TBC1D32: variants seen among roughly 807,000 people sequenced by gnomAD.
TBC1D32 encodes the protein TBC1 domain family member 32, also known as protein broad-minded.
A neutral mutation model predicts 170.3 loss-of-function variants in TBC1D32; 151 were observed. The ratio of observed to expected loss-of-function variants is 0.89; its 90% CI spans 0.78 to 1.01. The LOEUF (loss-of-function observed/expected upper bound fraction) is 1.01, where lower values mean the gene tolerates loss of function less well. Among genes scored for constraint, TBC1D32 ranks in the 50% least tolerant of loss-of-function variants. The probability of loss-of-function intolerance (pLI) is 0.00; values close to 1 mark genes in which losing one functional copy is unlikely to be tolerated. For missense variants in TBC1D32, 1,464 were observed against 1,457.1 expected, an observed-to-expected ratio of 1.00 and a Z score of -0.08; for synonymous variants, 498 against 488.0, an observed-to-expected ratio of 1.02 and a Z score of -0.27.
rs201481170 is a variant in TBC1D32 at position 121,098,195 on chromosome 6, T to C, written c.3466-7154A>G. ...ATGTATCCCAGAACTTAAAGTAGAA[T>C]AATAATAATAATAATAATAATAATA... On this transcript the variant is annotated intron_variant, in intron 30 of 31. Coordinates refer to ENST00000398212, the MANE Select transcript of TBC1D32 (RefSeq NM_152730.6). Among the ~76,000 whole-genome samples, 4 of 71,160 alleles carry C rather than the reference T, an allele frequency of 5.6e-5. No homozygotes were observed. The African/African-American group carries it at 1.7e-3, about 30-fold the overall frequency. The allele number at this position is 71,160 out of a possible 152,430, so 46.7% of individuals were successfully genotyped here. A position where few individuals can be genotyped will look rare whatever the true frequency, so the allele number is the denominator to read the frequency against.
At position 121,204,206 on chromosome 6, in the gene TBC1D32, G is replaced by A. The variant is rs531022135; in HGVS notation, c.2570+869C>T. Among the ~76,000 whole-genome samples, 4 of 151,098 alleles carry A rather than the reference G, an allele frequency of 2.6e-5. No individual in the cohort carries two copies. In the South Asian group the frequency reaches 8.3e-4, roughly 31 times the overall value. ...GTGAAAACACATTTTGAGATAAAGGGCACGCCACCCAAAGAACTACAATAG... is the reference window on the plus strand; with the variant it reads ...GTGAAAACACATTTTGAGATAAAGGACACGCCACCCAAAGAACTACAATAG... On this transcript the variant is annotated intron_variant, in intron 22 of 31. Coordinates refer to ENST00000398212, the MANE Select transcript of TBC1D32 (RefSeq NM_152730.6).
At chr6:121,131,925 T>C (rs2128218118) in intron 24 of TBC1D32, among the ~76,000 whole-genome samples, 173 bp from the exon 25 acceptor site, 1 of 152,132 alleles carries the variant, frequency 6.6e-6, no homozygotes, top group South Asian at 2.1e-4. Context: ...TTGTTACATG[T>C]ATTAAAAGTT....
intron 30 of TBC1D32, among the ~76,000 whole-genome samples, chr6:121,098,876 A>G (rs984987239): frequency 2.6e-5 from 4 of 151,948 alleles, no homozygotes; most frequent in Admixed American, 6.6e-5. Flanking sequence ...AGAAGGTATC[A>G]TCTCAAGGCG....
At chr6:121,236,363 C>A (rs1272761040) in intron 20 of TBC1D32, among the ~76,000 whole-genome samples, 1 of 152,036 alleles carries the variant, frequency 6.6e-6, no homozygotes, top group Non-Finnish European at 1.5e-5. Context: ...TGTATAGCTG[C>A]ATAGGGCAAT....
chr6:121,218,154 T>C (rs1289174474), intron 21 of TBC1D32, among the ~76,000 whole-genome samples: 3 of 152,182 alleles, frequency 2.0e-5, no homozygotes, highest in Non-Finnish European at 2.9e-5. Context: ...GAGATCACTC[T>C]GGAGGCCATA....
intron 4 of TBC1D32, 118 bp downstream of exon 4, chr6:121,310,661 G>A: frequency 1.4e-6 from 1 of 692,758 alleles, no homozygotes; most frequent in Non-Finnish European, 2.5e-6. Flanking sequence ...GTCCAGGATT[G>A]CCCATAATCA....
At chr6:121,320,968 GTT>G (rs1809625579) in intron 2 of TBC1D32, among the ~76,000 whole-genome samples, 1 of 152,116 alleles carries the variant, frequency 6.6e-6, no homozygotes, top group Admixed American at 6.5e-5. Context: ...CCTAGGGCTG[GTT>G]CCCACCTTGT....
chr6:121,242,079 T>C, intron 18 of TBC1D32, 122 bp downstream of exon 18: 5 of 974,976 alleles, frequency 5.1e-6, no homozygotes, highest in Non-Finnish European at 7.4e-6. Context: ...ACTATTACAA[T>C]GCTATATGGT....
intron 24 of TBC1D32, among the ~76,000 whole-genome samples, chr6:121,148,612 G>A (rs942641196): frequency 2.4e-4 from 37 of 151,962 alleles, no homozygotes; most frequent in East Asian, 1.4e-3. Flanking sequence ...GTGTAAAAGC[G>A]TCCCTATTTC....
chr6:121,302,330 T>C (rs1806618811), intron 9 of TBC1D32, among the ~76,000 whole-genome samples: 1 of 152,206 alleles, frequency 6.6e-6, no homozygotes, highest in Admixed American at 6.5e-5. Flanking sequence ...ATTTATGGTC[T>C]GGCTCTTTAC....
At chr6:121,119,714 G>A (rs1780059117) in intron 26 of TBC1D32, among the ~76,000 whole-genome samples, 1 of 152,090 alleles carries the variant, frequency 6.6e-6, no homozygotes, top group Admixed American at 6.6e-5. Flanking sequence ...ATGTGCAGAA[G>A]TTTATCTGTT....
intron 15 of TBC1D32, among the ~76,000 whole-genome samples, chr6:121,276,781 T>G (rs1369406456): frequency 3.9e-5 from 6 of 152,056 alleles, no homozygotes; most frequent in Non-Finnish European, 8.8e-5. Context: ...CAAAGCAGAC[T>G]GCAAAGCAAG....
At chr6:121,266,667 G>A (rs1469399065) in intron 15 of TBC1D32, among the ~76,000 whole-genome samples, 3 of 152,050 alleles carry the variant, frequency 2.0e-5, no homozygotes, top group Non-Finnish European at 2.9e-5. Context: ...CAACCCAAAC[G>A]CCTATTAATT....
chr6:121,160,861 G>A (rs568779562), intron 23 of TBC1D32, 87 bp downstream of exon 23: 28 of 964,926 alleles, frequency 2.9e-5, no homozygotes, highest in Admixed American at 2.9e-4. Context: ...CATTTAAGAG[G>A]TAAAGTTTAG....
At chr6:121,153,719 G>GT (rs1402933160) in intron 24 of TBC1D32, among the ~76,000 whole-genome samples, 2 of 152,160 alleles carry the variant, frequency 1.3e-5, no homozygotes, top group African/African-American at 2.4e-5. Context: ...GAGAGGCAGT[G>GT]TGGCTACAGG....
At chr6:121,118,951 C>T (rs994151231) in intron 26 of TBC1D32, among the ~76,000 whole-genome samples, 1 of 152,136 alleles carries the variant, frequency 6.6e-6, no homozygotes, top group Non-Finnish European at 1.5e-5. Flanking sequence ...ATTTCCATGT[C>T]TTGATTATGC....
chr6:121,190,775 G>A (rs999908255), intron 22 of TBC1D32, among the ~76,000 whole-genome samples: 3 of 152,092 alleles, frequency 2.0e-5, no homozygotes, highest in East Asian at 1.9e-4. Flanking sequence ...GGAGGCAGGC[G>A]TTTGTCTGGG....
At chr6:121,122,778 C>T (rs962146572) in intron 26 of TBC1D32, among the ~76,000 whole-genome samples, 1 of 151,966 alleles carries the variant, frequency 6.6e-6, no homozygotes, top group Non-Finnish European at 1.5e-5. Flanking sequence ...AGTGTCAGTA[C>T]CTAATACAGG....
chr6:121,298,215 T>G (rs1381725814), intron 10 of TBC1D32, among the ~76,000 whole-genome samples: 2 of 152,094 alleles, frequency 1.3e-5, no homozygotes, highest in African/African-American at 4.8e-5. Flanking sequence ...AAATGAGGTT[T>G]AAGTTGAAAT....
Sources: allele counts gnomAD v4.1 joint callset (sites outside exome capture counted in the v4.1 genomes callset), GRCh38; gene constraint gnomAD v4.1.1; transcripts MANE v1.5; gene names NCBI Gene and HGNC (gene_info 2026-07-23, HGNC 2026-07-21).